ERC2: variants seen among roughly 807,000 people sequenced by gnomAD.
The protein encoded by ERC2 is ELKS/RAB6-interacting/CAST family member 2.
ERC2 carries 42 observed loss-of-function variants against 114.8 expected under a neutral mutation model. The observed-to-expected ratio is 0.37, with a 90% CI of 0.29 to 0.47. ERC2 has a LOEUF of 0.47. Among genes scored for constraint, ERC2 ranks in the 20% least tolerant of loss-of-function variants. The pLI, the probability that ERC2 is intolerant of heterozygous loss-of-function variation, is 0.99. For missense variants in ERC2, 939 were observed against 1,150.7 expected, an observed-to-expected ratio of 0.82 and a Z score of 2.66; for synonymous variants, 454 against 425.5, an observed-to-expected ratio of 1.07 and a Z score of -0.82.
intron 17 of ERC2, among the ~76,000 whole-genome samples, chr3:55,667,502 T>C (rs1416963825): frequency 6.6e-6 from 1 of 152,222 alleles, no homozygotes; most frequent in Non-Finnish European, 1.5e-5. Flanking sequence ...TTTGTGCACA[T>C]GCTAAGTGCC....
chr3:56,327,416 C>G (rs2057413127), intron 2 of ERC2, among the ~76,000 whole-genome samples: 1 of 152,186 alleles, frequency 6.6e-6, no homozygotes, highest in African/African-American at 2.4e-5. Context: ...CATCTGGTCT[C>G]TCCCTTGATA....
At chr3:56,323,648 T>C (rs768518211) in intron 2 of ERC2, among the ~76,000 whole-genome samples, 2 of 152,116 alleles carry the variant, frequency 1.3e-5, no homozygotes, top group Non-Finnish European at 2.9e-5. Flanking sequence ...AGATAACTGA[T>C]AAACAAGATG....
intron 1 of ERC2, among the ~76,000 whole-genome samples, chr3:56,446,386 C>T (rs555621511): frequency 5.9e-5 from 9 of 152,252 alleles, no homozygotes; most frequent in South Asian, 4.1e-4. Flanking sequence ...TTCTGGAGAC[C>T]TCGCATGCTG....
intron 12 of ERC2, among the ~76,000 whole-genome samples, chr3:55,975,276 T>C (rs1362326212): frequency 6.6e-6 from 1 of 152,188 alleles, no homozygotes; most frequent in East Asian, 1.9e-4. Context: ...CCTGTTCTTA[T>C]TTCTGCTGCA....
chr3:56,122,118 T>C (rs749821668), intron 6 of ERC2, among the ~76,000 whole-genome samples: 7 of 152,240 alleles, frequency 4.6e-5, no homozygotes, highest in Non-Finnish European at 1.0e-4. Context: ...ACAACCTGTT[T>C]ATCTATAGGG....
intron 3 of ERC2, among the ~76,000 whole-genome samples, chr3:56,278,069 A>T (rs2054119600): frequency 6.6e-6 from 1 of 152,204 alleles, no homozygotes; most frequent in African/African-American, 2.4e-5. Context: ...TGTTGTGAGG[A>T]TTAAAGGAGT....
intron 14 of ERC2, among the ~76,000 whole-genome samples, chr3:55,855,797 C>T (rs543406901): frequency 4.8e-4 from 73 of 152,272 alleles, no homozygotes; most frequent in African/African-American, 1.6e-3. Flanking sequence ...TGCTAGAATG[C>T]CTTATTTCCC....
intron 2 of ERC2, among the ~76,000 whole-genome samples, chr3:56,301,200 C>T (rs2055851336): frequency 6.6e-6 from 1 of 152,208 alleles, no homozygotes; most frequent in African/African-American, 2.4e-5. Flanking sequence ...TTCAGGTAGT[C>T]ACACTATTAG....
intron 17 of ERC2, among the ~76,000 whole-genome samples, chr3:55,594,352 A>G (rs1361757089): frequency 1.3e-5 from 2 of 152,172 alleles, no homozygotes; most frequent in Non-Finnish European, 2.9e-5. Context: ...CTGAAAACAC[A>G]ATTGCCTGAA....
chr3:55,966,482 A>T (rs1382471781), intron 12 of ERC2, among the ~76,000 whole-genome samples: 2 of 152,184 alleles, frequency 1.3e-5, no homozygotes, highest in Non-Finnish European at 2.9e-5. Flanking sequence ...GTAGCATTTG[A>T]TCAGCATCTC....
chr3:55,866,164 G>A (rs1331654682), intron 14 of ERC2, among the ~76,000 whole-genome samples: 2 of 151,988 alleles, frequency 1.3e-5, no homozygotes, highest in East Asian at 3.9e-4. Flanking sequence ...GATGTAAAGT[G>A]GTATCTCATT....
chr3:56,234,573 T>G (rs967742107), intron 3 of ERC2, among the ~76,000 whole-genome samples: 1 of 152,226 alleles, frequency 6.6e-6, no homozygotes, highest in Non-Finnish European at 1.5e-5. Context: ...TAATGGGAAT[T>G]GTCTTAGTAC....
chr3:55,512,665 T>C (rs989573471), intron 17 of ERC2, among the ~76,000 whole-genome samples: 2 of 152,244 alleles, frequency 1.3e-5, no homozygotes, highest in African/African-American at 2.4e-5. Flanking sequence ...CCTTGATGTT[T>C]TTCCAAGATA....
At chr3:55,895,432 T>C (rs1174122515) in intron 13 of ERC2, among the ~76,000 whole-genome samples, 2 of 152,106 alleles carry the variant, frequency 1.3e-5, no homozygotes, top group African/African-American at 2.4e-5. Context: ...CCACACAGAA[T>C]TGACATAAGC....
At chr3:55,650,458 A>G (rs2060570555) in intron 17 of ERC2, among the ~76,000 whole-genome samples, 1 of 151,956 alleles carries the variant, frequency 6.6e-6, no homozygotes, top group Non-Finnish European at 1.5e-5. Context: ...CCTTCAAACT[A>G]TTTCGTCTGA....
At chr3:55,925,954 CT>C (rs548351372) in intron 13 of ERC2, among the ~76,000 whole-genome samples, 78 of 152,188 alleles carry the variant, frequency 5.1e-4, no homozygotes, top group Middle Eastern at 3.4e-3. Flanking sequence ...ACCTTCTGTC[CT>C]GTAGTATTTC....
chr3:56,259,947 A>T (rs1349420345), intron 3 of ERC2, among the ~76,000 whole-genome samples: 1 of 152,178 alleles, frequency 6.6e-6, no homozygotes, highest in Non-Finnish European at 1.5e-5. Flanking sequence ...GGAACCCCCG[A>T]TAGGCTCGGG....
chr3:56,116,978 T>C (rs1397972494), intron 6 of ERC2, among the ~76,000 whole-genome samples: 1 of 152,226 alleles, frequency 6.6e-6, no homozygotes, highest in East Asian at 1.9e-4. Flanking sequence ...ATTCTCACCC[T>C]TTAAGGAAAA....
intron 3 of ERC2, among the ~76,000 whole-genome samples, chr3:56,209,944 T>A (rs551065360): frequency 6.6e-6 from 1 of 152,262 alleles, no homozygotes; most frequent in South Asian, 2.1e-4. Context: ...CTTGACAACA[T>A]ACTACAGTAT....
Sources: gnomAD v4.1 joint callset for allele counts (sites outside exome capture counted in the v4.1 genomes callset) on GRCh38, gnomAD v4.1.1 for gene constraint, MANE v1.5 for transcripts, NCBI Gene and HGNC (gene_info 2026-07-23, HGNC 2026-07-21) for gene names.